Variants in CDK8 observed in about 807,000 individuals in gnomAD.
CDK8 encodes cyclin dependent kinase 8, also known as cyclin-dependent kinase 8.
A neutral mutation model predicts 71.5 loss-of-function variants in CDK8; 29 were observed. The observed-to-expected ratio is 0.41, with a 90% CI of 0.30 to 0.55. The LOEUF (loss-of-function observed/expected upper bound fraction) is 0.55, where lower values mean the gene tolerates loss of function less well. Among genes scored for constraint, CDK8 ranks in the 20% least tolerant of loss-of-function variants. CDK8 has a pLI of 0.37. For synonymous variants in CDK8, 161 were observed against 192.1 expected (o/e 0.84, Z 1.34); for missense variants, 288 against 572.6 (o/e 0.50, Z 5.07).
At chr13:26,317,951 T>C (rs114828319) in intron 1 of CDK8, among the ~76,000 whole-genome samples, 1,624 of 151,438 alleles carry the variant, frequency 0.011, 28 homozygotes, top group African/African-American at 0.038. Context: ...ATACACAAAA[T>C]AGAGAATAAA....
chr13:26,276,757 CTTA>C (rs939669671), intron 1 of CDK8, among the ~76,000 whole-genome samples: 9 of 152,116 alleles, frequency 5.9e-5, no homozygotes, highest in African/African-American at 1.4e-4. Flanking sequence ...TGCCAAATCT[CTTA>C]TTATGAAAAA....
At chr13:26,302,961 A>G (rs1432284446) in intron 1 of CDK8, among the ~76,000 whole-genome samples, 1 of 152,116 alleles carries the variant, frequency 6.6e-6, no homozygotes, top group Non-Finnish European at 1.5e-5. Flanking sequence ...TTGAGTAGCT[A>G]GAATTACTGG....
rs1009687237 is a variant in CDK8, at chr13:26,401,966, C to T, written c.1269+342C>T. ...TCAGATTAGACATGAAGTGGCTTGACACCTAGCTTATGGTAGGAGCTTGAT... is the reference window on the plus strand; with the variant it reads ...TCAGATTAGACATGAAGTGGCTTGATACCTAGCTTATGGTAGGAGCTTGAT... On this transcript the variant is annotated intron_variant, in intron 12 of 12. Transcript: ENST00000381527. This position sits in a 1 kb window ranked among gnomAD's most constrained non-coding sequence, Gnocchi z 4.5. Among the ~76,000 whole-genome samples the T allele has an allele frequency of 2.6e-5, 4 of 152,230 alleles. No homozygotes were observed. Among genetic ancestry groups the T allele is most frequent in the African/African-American group, 9.6e-5 (4 of 41,454 alleles).
chr13:26,345,686 A>G (rs1873435188), intron 2 of CDK8, among the ~76,000 whole-genome samples: 1 of 152,058 alleles, frequency 6.6e-6, no homozygotes, highest in East Asian at 1.9e-4. Flanking sequence ...CCTGGCCGCT[A>G]ATTTTTATAT....
At chr13:26,383,640 G>A (rs1875337144) in intron 5 of CDK8, among the ~76,000 whole-genome samples, 1 of 152,190 alleles carries the variant, frequency 6.6e-6, no homozygotes, top group Non-Finnish European at 1.5e-5. Context: ...AGCAACTTCT[G>A]ATCACAAGAT....
chr13:26,330,955 C>T (rs1593268164), intron 1 of CDK8, among the ~76,000 whole-genome samples: 1 of 152,038 alleles, frequency 6.6e-6, no homozygotes, highest in Non-Finnish European at 1.5e-5. Context: ...TAGTGGATAC[C>T]CAGTAGTGGG....
chr13:26,375,634 C>G (rs1874909971), intron 4 of CDK8, among the ~76,000 whole-genome samples: 1 of 152,170 alleles, frequency 6.6e-6, no homozygotes, highest in African/African-American at 2.4e-5. Flanking sequence ...AGCATTGTTT[C>G]TTAATTACAA....
chr13:26,322,456 A>G (rs2137949531), intron 1 of CDK8, among the ~76,000 whole-genome samples: 1 of 152,072 alleles, frequency 6.6e-6, no homozygotes, highest in East Asian at 1.9e-4. Flanking sequence ...AGGGTGTTAC[A>G]TATTTACCTA....
chr13:26,386,616 TG>T (rs1207342471), intron 6 of CDK8, among the ~76,000 whole-genome samples: 1 of 152,232 alleles, frequency 6.6e-6, no homozygotes, highest in African/African-American at 2.4e-5. Flanking sequence ...TGCTACAGTA[TG>T]TTCTCATGTA....
intron 1 of CDK8, among the ~76,000 whole-genome samples, chr13:26,328,068 A>G (rs1255044105): frequency 6.6e-6 from 1 of 152,028 alleles, no homozygotes; most frequent in African/African-American, 2.4e-5. Context: ...TGTTCATTTA[A>G]CATCTCTAAA....
chr13:26,384,755 A>AT (rs1875394730), intron 5 of CDK8, among the ~76,000 whole-genome samples: 1 of 152,226 alleles, frequency 6.6e-6, no homozygotes, highest in African/African-American at 2.4e-5. Context: ...TAATAGGGGA[A>AT]ATAATGGTGT....
intron 1 of CDK8, among the ~76,000 whole-genome samples, chr13:26,289,777 C>A (rs1400468365): frequency 5.9e-5 from 9 of 152,050 alleles, no homozygotes; most frequent in Admixed American, 5.9e-4. Context: ...GTCTCGATCT[C>A]CTGAGCTCAT....
intron 4 of CDK8, among the ~76,000 whole-genome samples, chr13:26,368,018 A>G (rs116754019): frequency 6.6e-6 from 1 of 152,192 alleles, no homozygotes; most frequent in Non-Finnish European, 1.5e-5. Context: ...CCATCTTACA[A>G]GGAGATTTCA....
intron 4 of CDK8, among the ~76,000 whole-genome samples, chr13:26,366,188 T>C (rs1299916896): frequency 1.3e-5 from 2 of 152,142 alleles, no homozygotes; most frequent in African/African-American, 2.4e-5. Context: ...TTTCATTAAA[T>C]CTTTTTCAGT....
At chr13:26,327,800 G>T (rs1307995121) in intron 1 of CDK8, among the ~76,000 whole-genome samples, 1 of 152,124 alleles carries the variant, frequency 6.6e-6, no homozygotes, top group East Asian at 1.9e-4. Context: ...CTGCACTCCA[G>T]CCTGGGTGAC....
chr13:26,368,872 A>C (rs1411355941), intron 4 of CDK8, among the ~76,000 whole-genome samples: 1 of 152,024 alleles, frequency 6.6e-6, no homozygotes, highest in Non-Finnish European at 1.5e-5. Flanking sequence ...GGTAAATTAC[A>C]TTTATATTGT....
chr13:26,300,649 G>C (rs1426209511), intron 1 of CDK8, among the ~76,000 whole-genome samples: 1 of 152,118 alleles, frequency 6.6e-6, no homozygotes, highest in Non-Finnish European at 1.5e-5. Context: ...ACAAAAGGTC[G>C]TCCAGATATT....
intron 7 of CDK8, among the ~76,000 whole-genome samples, chr13:26,395,271 A>C (rs1353718121): frequency 3.3e-5 from 5 of 152,090 alleles, no homozygotes; most frequent in African/African-American, 9.7e-5. Context: ...AACAACATGG[A>C]GAAACCCCGT....
chr13:26,344,976 A>G (rs1436553580), intron 2 of CDK8, among the ~76,000 whole-genome samples: 1 of 152,220 alleles, frequency 6.6e-6, no homozygotes, highest in African/African-American at 2.4e-5. Context: ...TGTGTGCTGT[A>G]TATAATGATA....
Sources: allele counts gnomAD v4.1 joint callset (sites outside exome capture counted in the v4.1 genomes callset), GRCh38; gene constraint gnomAD v4.1.1; non-coding constraint Gnocchi (gnomAD v3.1); transcripts MANE v1.5; gene names NCBI Gene and HGNC (gene_info 2026-07-23, HGNC 2026-07-21).